The following PATJ variants were observed in gnomAD, a reference collection of about 807,000 sequenced individuals.
PATJ encodes PATJ crumbs cell polarity complex component, also known as inaD-like protein.
PATJ carries 190 observed loss-of-function variants against 224.9 expected under a neutral mutation model. That is an observed-to-expected ratio of 0.84 (90% CI 0.75 to 0.95). PATJ has a LOEUF of 0.95. PATJ is among the 40% of genes least tolerant of loss of function. PATJ has a pLI of 0.00. For synonymous variants in PATJ, 769 were observed against 820.3 expected, an observed-to-expected ratio of 0.94 and a Z score of 1.07; for missense variants, 2,121 against 2,270.3, an observed-to-expected ratio of 0.93 and a Z score of 1.34.
At chr1:62,122,465 C>A (rs1665191070) in intron 38 of PATJ, among the ~76,000 whole-genome samples, 5 of 151,706 alleles carry the variant, frequency 3.3e-5, no homozygotes, top group Admixed American at 3.3e-4. Flanking sequence ...TATAGCCCAT[C>A]CACTTTTGTC....
chr1:61,901,467 A>G lies in PATJ; in HGVS notation c.3381+8A>G, dbSNP rs1361842364. ...GGAGATAAAATACTTGAGGTAAATGATGTTAAAGTACTGTTTTTATTGGAA... is the reference window on the plus strand; with the variant it reads ...GGAGATAAAATACTTGAGGTAAATGGTGTTAAAGTACTGTTTTTATTGGAA... On this transcript the variant is annotated splice_region_variant and intron_variant, in intron 24 of 43. Coordinates refer to ENST00000642238, the MANE Select transcript of PATJ (RefSeq NM_001350145.3). 8 of 1,552,774 alleles carry G rather than the reference A, an allele frequency of 5.2e-6. No individual in the cohort carries two copies. The South Asian group carries it at 9.7e-5, about 19-fold the overall frequency.
intron 39 of PATJ, 140 bp from the exon 40 acceptor site, chr1:62,127,832 A>G (rs186458131): frequency 5.4e-6 from 4 of 740,498 alleles, no homozygotes; most frequent in South Asian, 4.1e-5. Flanking sequence ...GTCTACTCCA[A>G]AGGTTCCACA....
chr1:62,036,972 A>G (rs980974343), intron 29 of PATJ, among the ~76,000 whole-genome samples: 2 of 152,110 alleles, frequency 1.3e-5, no homozygotes, highest in Non-Finnish European at 2.9e-5. Context: ...AGGCAGTGAC[A>G]TGATTAAATC....
intron 26 of PATJ, among the ~76,000 whole-genome samples, chr1:61,915,735 T>A (rs1024404917): frequency 7.9e-5 from 12 of 151,456 alleles, no homozygotes; most frequent in Non-Finnish European, 1.3e-4. Flanking sequence ...TCTTGCTCAG[T>A]CGCCAGGCCA....
At chr1:61,972,957 T>A (rs1216185979) in intron 27 of PATJ, among the ~76,000 whole-genome samples, 1 of 152,078 alleles carries the variant, frequency 6.6e-6, no homozygotes, top group Non-Finnish European at 1.5e-5. Context: ...AAGACAGTGT[T>A]TTTAATAATG....
chr1:62,103,513 G>T (rs1391222584), intron 33 of PATJ, among the ~76,000 whole-genome samples: 1 of 152,208 alleles, frequency 6.6e-6, no homozygotes, highest in Non-Finnish European at 1.5e-5. Flanking sequence ...AGCAGTTTGG[G>T]AGGCCAAGGC....
At chr1:61,804,248 T>A (rs1653091876) in intron 12 of PATJ, among the ~76,000 whole-genome samples, 1 of 152,160 alleles carries the variant, frequency 6.6e-6, no homozygotes, top group African/African-American at 2.4e-5. Flanking sequence ...CCAAATGAAT[T>A]TGATTTTTTG....
At chr1:61,931,457 A>G (rs1676017895) in intron 27 of PATJ, among the ~76,000 whole-genome samples, 1 of 152,230 alleles carries the variant, frequency 6.6e-6, no homozygotes, top group Non-Finnish European at 1.5e-5. Flanking sequence ...GACGAGACAA[A>G]GAATTGTTAA....
chr1:62,138,534 T>G (rs966308188), intron 41 of PATJ, among the ~76,000 whole-genome samples: 4 of 152,172 alleles, frequency 2.6e-5, no homozygotes, highest in African/African-American at 9.7e-5. Flanking sequence ...CACAAACTCC[T>G]GACCTCAGGT....
At chr1:61,752,191 A>T (rs1310618907) in intron 1 of PATJ, among the ~76,000 whole-genome samples, 2 of 151,916 alleles carry the variant, frequency 1.3e-5, no homozygotes, top group Non-Finnish European at 2.9e-5. Context: ...TTGTTCCTAC[A>T]AAAGTGGCCA....
chr1:61,764,420 A>AT (rs59652657), intron 3 of PATJ, among the ~76,000 whole-genome samples: 34 of 147,756 alleles, frequency 2.3e-4, no homozygotes, highest in African/African-American at 8.2e-4. Flanking sequence ...CAGTTGTGGG[A>AT]TTTTTTTTTT....
At chr1:62,077,214 C>A (rs1658446364) in intron 31 of PATJ, among the ~76,000 whole-genome samples, 1 of 152,162 alleles carries the variant, frequency 6.6e-6, no homozygotes, top group African/African-American at 2.4e-5. Flanking sequence ...AGGACTTAGC[C>A]TGTTGGCACA....
At chr1:61,980,463 GTGTGTGTGTGTGTGTGGTA>G (rs1644391832) in intron 27 of PATJ, among the ~76,000 whole-genome samples, 1 of 150,264 alleles carries the variant, frequency 6.7e-6, no homozygotes. Context: ...GTGTGTGTGT[GTGTGTGTGTGTGTGTGGTA>G]TGCATTTTCA....
chr1:61,882,139 A>T (rs929733850), intron 21 of PATJ, among the ~76,000 whole-genome samples: 2 of 152,196 alleles, frequency 1.3e-5, no homozygotes, highest in Non-Finnish European at 2.9e-5. Flanking sequence ...GTGGGGGCAG[A>T]CAATAACAAA....
At chr1:61,934,341 C>T (rs1676512658) in intron 27 of PATJ, among the ~76,000 whole-genome samples, 1 of 152,216 alleles carries the variant, frequency 6.6e-6, no homozygotes, top group African/African-American at 2.4e-5. Flanking sequence ...TGGTCTTGAA[C>T]TCCCGACCTC....
intron 7 of PATJ, 69 bp from the exon 8 acceptor site, chr1:61,787,685 G>A (rs1648846171): frequency 8.2e-7 from 1 of 1,213,778 alleles, no homozygotes; most frequent in African/African-American, 1.5e-5. Flanking sequence ...CTGAAAGTCT[G>A]ATGAATTGTT....
chr1:61,902,493 A>G (rs1413509796), intron 24 of PATJ, among the ~76,000 whole-genome samples: 1 of 152,126 alleles, frequency 6.6e-6, no homozygotes, highest in Non-Finnish European at 1.5e-5. Context: ...CATTAGACCT[A>G]CTTATTTTCC....
At chr1:62,030,882 CTA>C (rs1167772524) in intron 29 of PATJ, among the ~76,000 whole-genome samples, 1 of 152,184 alleles carries the variant, frequency 6.6e-6, no homozygotes, top group Non-Finnish European at 1.5e-5. Flanking sequence ...ATACTTCACT[CTA>C]TGAATATACA....
intron 28 of PATJ, among the ~76,000 whole-genome samples, chr1:62,006,709 C>G (rs909660626): frequency 9.2e-5 from 14 of 152,058 alleles, no homozygotes; most frequent in Admixed American, 9.2e-4. Flanking sequence ...TCTTCCCCCA[C>G]TACAGTAGTT....
Sources: allele counts gnomAD v4.1 joint callset (sites outside exome capture counted in the v4.1 genomes callset), GRCh38; gene constraint gnomAD v4.1.1; transcripts MANE v1.5; gene names NCBI Gene and HGNC (gene_info 2026-07-23, HGNC 2026-07-21).